ASAP2: variants seen among roughly 807,000 people sequenced by gnomAD.
ASAP2 encodes the protein ArfGAP with SH3 domain, ankyrin repeat and PH domain 2, also known as arf-GAP with SH3 domain, ANK repeat and PH domain-containing protein 2.
A neutral mutation model predicts 131.4 loss-of-function variants in ASAP2; 45 were observed. The observed-to-expected ratio is 0.34, with a 90% CI of 0.27 to 0.44. The LOEUF is 0.44. Ranked by LOEUF, ASAP2 falls within the 20% of genes least tolerant of loss-of-function variation. The probability of loss-of-function intolerance (pLI) is 1.00; values close to 1 mark genes in which losing one functional copy is unlikely to be tolerated. For missense variants in ASAP2, 1,011 were observed against 1,297.0 expected (o/e 0.78, Z 3.39); for synonymous variants, 510 against 503.0 (o/e 1.01, Z -0.19).
intron 2 of ASAP2, among the ~76,000 whole-genome samples, chr2:9,283,796 C>T (rs973266994): frequency 6.6e-6 from 1 of 152,168 alleles, no homozygotes; most frequent in Non-Finnish European, 1.5e-5. Flanking sequence ...CTCCCTGTAC[C>T]CTCACATGGC....
intron 9 of ASAP2, among the ~76,000 whole-genome samples, chr2:9,336,781 C>T (rs142980329): frequency 1.8e-3 from 281 of 152,264 alleles, no homozygotes; most frequent in African/African-American, 6.5e-3. Context: ...CTAGCGGTAA[C>T]GAGGAGGAGG....
chr2:9,349,877 C>T lies in ASAP2; in HGVS notation c.1024-931C>T, dbSNP rs558147877. Among the ~76,000 whole-genome samples, 9 of 152,214 alleles carry T rather than the reference C, an allele frequency of 5.9e-5. No homozygotes were observed. The South Asian group carries it at 1.9e-3, about 32-fold the overall frequency. On this transcript the variant is annotated intron_variant, in intron 11 of 27. Transcript: ENST00000281419. ...TATGTGTATGTATCTGGATTAATCC[C>T]AAATTCAGGTTTTTTTCATCTTGAA...
chr2:9,270,421 A>T (rs1007117568), intron 1 of ASAP2, among the ~76,000 whole-genome samples: 40 of 151,644 alleles, frequency 2.6e-4, no homozygotes, highest in African/African-American at 9.4e-4. Context: ...AGATTTCAGT[A>T]TTTTTTTTTA....
chr2:9,242,557 C>T (rs769866340), intron 1 of ASAP2, among the ~76,000 whole-genome samples: 1 of 152,230 alleles, frequency 6.6e-6, no homozygotes, highest in South Asian at 2.1e-4. Flanking sequence ...TTGTATTGGG[C>T]GGTGTGTGGG....
intron 9 of ASAP2, among the ~76,000 whole-genome samples, chr2:9,340,763 G>C (rs989139967): frequency 1.3e-5 from 2 of 152,214 alleles, no homozygotes; most frequent in Non-Finnish European, 2.9e-5. Flanking sequence ...TAGAGTCTTA[G>C]ACAGCTCAAG....
In ASAP2 at chr2:9,405,397, G is replaced by T. The variant is rs1677132414; in HGVS notation, c.*2070G>T. On this transcript the variant is annotated 3_prime_UTR_variant, in exon 28 of 28. Transcript: ENST00000281419. ...GCATGCCATTCTCCATCAGATCTGGGATGATGGCTCAGAACATGTACACAG... is the reference window on the plus strand; with the variant it reads ...GCATGCCATTCTCCATCAGATCTGGTATGATGGCTCAGAACATGTACACAG... 6.6e-6 allele frequency: 1 copy of T among 152,610 alleles called. No individual in the cohort carries two copies. The highest frequency in any genetic ancestry group is 1.5e-5 in the Non-Finnish European group (1 of 68,026). 9.5% of individuals were successfully genotyped at this position (152,610 alleles called of 1,614,324 possible).
chr2:9,274,770 C>T (rs1383567456), intron 1 of ASAP2, among the ~76,000 whole-genome samples: 1 of 152,074 alleles, frequency 6.6e-6, no homozygotes. Flanking sequence ...TAAAAATTAC[C>T]TCTTCCACCT....
chr2:9,311,790 C>T lies in ASAP2; in HGVS notation c.346-6734C>T, dbSNP rs1247291544. Among the ~76,000 whole-genome samples the T allele has an allele frequency of 2.6e-5, 4 of 152,174 alleles. No individual in the cohort carries two copies. In the East Asian group the frequency reaches 5.8e-4, roughly 22 times the overall value. On this transcript the variant is annotated intron_variant, in intron 3 of 27. Coordinates refer to ENST00000281419, the MANE Select transcript of ASAP2 (RefSeq NM_003887.3). The surrounding 1 kb of genome is among the most constrained non-coding windows in gnomAD (Gnocchi z 5.2). ...GCTGCAGGGCACACCTGCCGAGAAG[C>T]GCGTCTGGCCCCCACGCACTTGTTC...
At chr2:9,378,824 C>A in intron 18 of ASAP2, 120 bp from the exon 19 acceptor site, 1 of 588,444 alleles carries the variant, frequency 1.7e-6, no homozygotes, top group Non-Finnish European at 2.6e-6. Context: ...TTTACAGAAA[C>A]CGTTCACTCG....
chr2:9,274,233 A>G (rs1666599619), intron 1 of ASAP2, among the ~76,000 whole-genome samples: 2 of 146,040 alleles, frequency 1.4e-5, no homozygotes, highest in South Asian at 2.2e-4. Flanking sequence ...GAGGCCCTTT[A>G]TTTCTTTCTC....
At chr2:9,336,383 C>T (rs1671203102) in intron 9 of ASAP2, among the ~76,000 whole-genome samples, 1 of 152,074 alleles carries the variant, frequency 6.6e-6, no homozygotes, top group Non-Finnish European at 1.5e-5. Flanking sequence ...TCTGATCACC[C>T]CAGCCCACAG....
At chr2:9,313,677 T>C (rs1669465220) in intron 3 of ASAP2, among the ~76,000 whole-genome samples, 1 of 152,198 alleles carries the variant, frequency 6.6e-6, no homozygotes, top group African/African-American at 2.4e-5. Flanking sequence ...CAGGACCAAA[T>C]TGACCTGCGC....
At chr2:9,226,306 A>G (rs1040990946) in intron 1 of ASAP2, among the ~76,000 whole-genome samples, 4 of 152,358 alleles carry the variant, frequency 2.6e-5, no homozygotes, top group African/African-American at 9.6e-5. Context: ...TGTTTTCTGT[A>G]AAGCACACTG....
At chr2:9,377,626 C>G (rs1013404394) in intron 18 of ASAP2, among the ~76,000 whole-genome samples, 1 of 152,188 alleles carries the variant, frequency 6.6e-6, no homozygotes. Context: ...TTTTGACTCC[C>G]TGATCGTGGT....
intron 1 of ASAP2, among the ~76,000 whole-genome samples, chr2:9,226,600 T>C (rs1192656720): frequency 6.6e-6 from 1 of 152,192 alleles, no homozygotes; most frequent in Non-Finnish European, 1.5e-5. Context: ...GTTGTCCTGC[T>C]CTGGATGCTG....
At chr2:9,379,170 T>C (rs1674638446) in intron 19 of ASAP2, 111 bp downstream of exon 19, 1 of 642,054 alleles carries the variant, frequency 1.6e-6, no homozygotes, top group African/African-American at 1.9e-5. Flanking sequence ...GGGCTCTTGT[T>C]AGTGCCAAAG....
At chr2:9,243,961 G>C (rs917907322) in intron 1 of ASAP2, among the ~76,000 whole-genome samples, 4 of 152,038 alleles carry the variant, frequency 2.6e-5, no homozygotes, top group African/African-American at 9.7e-5. Flanking sequence ...TTTTCTTTTG[G>C]GAATTAGTGG....
chr2:9,365,870 A>AG (rs1260225020), intron 15 of ASAP2, among the ~76,000 whole-genome samples: 1 of 152,154 alleles, frequency 6.6e-6, no homozygotes, highest in African/African-American at 2.4e-5. Context: ...TGTGCTCCTG[A>AG]GGCCACAGGA....
intron 1 of ASAP2, among the ~76,000 whole-genome samples, chr2:9,248,445 G>A (rs940587985): frequency 7.9e-5 from 12 of 151,858 alleles, no homozygotes; most frequent in South Asian, 2.1e-4. Flanking sequence ...AAATGCCAGC[G>A]TAGAGAGGAT....
Sources: allele counts gnomAD v4.1 joint callset (sites outside exome capture counted in the v4.1 genomes callset), GRCh38; gene constraint gnomAD v4.1.1; non-coding constraint Gnocchi (gnomAD v3.1); transcripts MANE v1.5; gene names NCBI Gene and HGNC (gene_info 2026-07-23, HGNC 2026-07-21).